UVRAG: variants seen among roughly 807,000 people sequenced by gnomAD.
UVRAG encodes UV radiation resistance-associated gene protein.
A neutral mutation model predicts 78.0 loss-of-function variants in UVRAG; 19 were observed. The ratio of observed to expected loss-of-function variants is 0.24; its 90% CI spans 0.17 to 0.36. UVRAG has a LOEUF of 0.36. Ranked by LOEUF, UVRAG falls within the 10% of genes least tolerant of loss-of-function variation. The pLI, the probability that UVRAG is intolerant of heterozygous loss-of-function variation, is 1.00. For missense variants in UVRAG, 740 were observed against 853.8 expected, an observed-to-expected ratio of 0.87 and a Z score of 1.66; for synonymous variants, 323 against 324.6, an observed-to-expected ratio of 1.00 and a Z score of 0.05.
chr11:75,915,457 G>A (rs1326159833), intron 6 of UVRAG, among the ~76,000 whole-genome samples: 2 of 152,090 alleles, frequency 1.3e-5, no homozygotes, highest in Non-Finnish European at 2.9e-5. Context: ...GGAAATCTCT[G>A]GATTAAGCAT....
At chr11:76,073,791 G>T (rs184207805) in intron 13 of UVRAG, among the ~76,000 whole-genome samples, 71 of 152,230 alleles carry the variant, frequency 4.7e-4, no homozygotes, top group Non-Finnish European at 9.1e-4. Context: ...ACTTAATGAG[G>T]TTGGGAGTAG....
intron 12 of UVRAG, among the ~76,000 whole-genome samples, chr11:76,055,343 A>G (rs1042334188): frequency 6.6e-6 from 1 of 152,184 alleles, no homozygotes; most frequent in African/African-American, 2.4e-5. Context: ...CCACCGCACC[A>G]GCCTGTTTTT....
chr11:75,906,407 C>T (rs748811350), intron 5 of UVRAG, among the ~76,000 whole-genome samples: 4 of 152,056 alleles, frequency 2.6e-5, no homozygotes, highest in East Asian at 3.9e-4. Flanking sequence ...AGTGCAGTGG[C>T]GTGATCTCAG....
intron 11 of UVRAG, among the ~76,000 whole-genome samples, chr11:76,015,860 C>T (rs1352676187): frequency 6.6e-6 from 1 of 152,192 alleles, no homozygotes; most frequent in East Asian, 1.9e-4. Flanking sequence ...CATTTCAGCC[C>T]TTCTTCTCTA....
intron 8 of UVRAG, among the ~76,000 whole-genome samples, chr11:75,993,693 G>C (rs890852191): frequency 6.6e-6 from 1 of 152,110 alleles, no homozygotes; most frequent in South Asian, 2.1e-4. Flanking sequence ...TAGAATGTAG[G>C]TTTCTTATTG....
At chr11:75,880,133 A>G in intron 4 of UVRAG, 93 bp downstream of exon 4, 1 of 1,444,102 alleles carries the variant, frequency 6.9e-7, no homozygotes, top group Non-Finnish European at 9.4e-7. Context: ...GTTTCCTATT[A>G]TAAAGAGAGA....
intron 13 of UVRAG, among the ~76,000 whole-genome samples, chr11:76,097,409 C>T (rs141246816): frequency 2.0e-5 from 3 of 152,246 alleles, no homozygotes; most frequent in Admixed American, 6.5e-5. Context: ...AATACTGTGC[C>T]TCCCTGCCCT....
At chr11:75,831,491 A>G (rs1590909551) in intron 1 of UVRAG, among the ~76,000 whole-genome samples, 2 of 107,904 alleles carry the variant, frequency 1.9e-5, no homozygotes, top group Admixed American at 1.7e-4. Flanking sequence ...TCCTTCTCAA[A>G]AAACAAACAA....
intron 1 of UVRAG, among the ~76,000 whole-genome samples, chr11:75,845,505 A>G (rs1045340699): frequency 1.4e-4 from 22 of 152,250 alleles, no homozygotes; most frequent in Admixed American, 4.6e-4. Flanking sequence ...GCCAGAAAAA[A>G]GAATGAGATC....
chr11:76,078,884 G>A (rs887854728), intron 13 of UVRAG, among the ~76,000 whole-genome samples: 4 of 151,902 alleles, frequency 2.6e-5, no homozygotes, highest in South Asian at 4.2e-4. Context: ...AGCTGAGATC[G>A]CACCACTGCA....
chr11:76,002,798 G>A (rs895325716), intron 8 of UVRAG, among the ~76,000 whole-genome samples: 4 of 152,112 alleles, frequency 2.6e-5, no homozygotes, highest in East Asian at 1.9e-4. Context: ...TGGGAAGGCC[G>A]GGCACTGTAG....
chr11:75,876,960 A>G (rs1411002290), intron 3 of UVRAG, among the ~76,000 whole-genome samples: 1 of 151,318 alleles, frequency 6.6e-6, no homozygotes, highest in East Asian at 1.9e-4. Context: ...CAAGTGAACA[A>G]AGGTCTCTGG....
intron 1 of UVRAG, among the ~76,000 whole-genome samples, chr11:75,823,767 T>C (rs895304830): frequency 1.3e-5 from 2 of 152,220 alleles, no homozygotes; most frequent in Non-Finnish European, 2.9e-5. Context: ...ACCATCAGGC[T>C]TTATATTTTA....
intron 5 of UVRAG, among the ~76,000 whole-genome samples, chr11:75,895,924 T>C (rs1947335043): frequency 6.6e-6 from 1 of 152,218 alleles, no homozygotes; most frequent in African/African-American, 2.4e-5. Flanking sequence ...AAGCCTATTA[T>C]TAAACTAGGT....
chr11:75,985,094 A>G (rs1226527465), intron 8 of UVRAG, among the ~76,000 whole-genome samples: 1 of 151,190 alleles, frequency 6.6e-6, no homozygotes, highest in Non-Finnish European at 1.5e-5. Flanking sequence ...TGATTGTGCC[A>G]GTTTATCTCC....
chr11:76,028,198 A>G (rs1458399930), intron 12 of UVRAG, among the ~76,000 whole-genome samples: 1 of 152,142 alleles, frequency 6.6e-6, no homozygotes, highest in Non-Finnish European at 1.5e-5. Flanking sequence ...TTTTGGGACA[A>G]TACAAACCAC....
At chr11:75,872,498 C>T (rs560400240) in intron 3 of UVRAG, among the ~76,000 whole-genome samples, 31 of 151,620 alleles carry the variant, frequency 2.0e-4, no homozygotes, top group East Asian at 2.0e-4. Context: ...AAGCGATTCT[C>T]CTGCCTCAGC....
At chr11:75,926,329 T>C (rs1948103951) in intron 6 of UVRAG, among the ~76,000 whole-genome samples, 1 of 152,224 alleles carries the variant, frequency 6.6e-6, no homozygotes, top group Admixed American at 6.5e-5. Context: ...CCCTGACTGT[T>C]CTTAGGCTTC....
At chr11:76,045,743 G>T (rs773019243) in intron 12 of UVRAG, among the ~76,000 whole-genome samples, 3 of 143,868 alleles carry the variant, frequency 2.1e-5, no homozygotes, top group Non-Finnish European at 4.6e-5. Context: ...AGAAAGAAAA[G>T]ATAAGAAATT....
Sources: allele counts gnomAD v4.1 joint callset (sites outside exome capture counted in the v4.1 genomes callset), GRCh38; gene constraint gnomAD v4.1.1; transcripts MANE v1.5; gene names NCBI Gene and HGNC (gene_info 2026-07-23, HGNC 2026-07-21).